CDKAL1: variants seen among roughly 807,000 people sequenced by gnomAD.
CDKAL1 encodes the protein CDKAL1 threonylcarbamoyladenosine tRNA methylthiotransferase, also known as threonylcarbamoyladenosine tRNA methylthiotransferase.
CDKAL1 carries 32 observed loss-of-function variants against 68.2 expected under a neutral mutation model. The observed-to-expected ratio is 0.47, with a 90% CI of 0.35 to 0.63. The LOEUF (loss-of-function observed/expected upper bound fraction) is 0.63. Ranked by LOEUF, CDKAL1 falls within the 30% of genes least tolerant of loss-of-function variation. CDKAL1 has a pLI of 0.00. For missense variants in CDKAL1, 606 were observed against 696.7 expected, an observed-to-expected ratio of 0.87 and a Z score of 1.47; for synonymous variants, 234 against 244.3, an observed-to-expected ratio of 0.96 and a Z score of 0.39.
chr6:20,998,568 G>A (rs747866103), intron 10 of CDKAL1, among the ~76,000 whole-genome samples: 10 of 151,094 alleles, frequency 6.6e-5, no homozygotes, highest in East Asian at 1.9e-4. Flanking sequence ...CTGAGATCGC[G>A]CCAGTGCACT....
chr6:20,791,094 TG>T (rs1775880161), intron 8 of CDKAL1, among the ~76,000 whole-genome samples: 1 of 152,148 alleles, frequency 6.6e-6, no homozygotes, highest in Non-Finnish European at 1.5e-5. Flanking sequence ...GGTTTGAAAG[TG>T]GGGTTTCACT....
chr6:21,117,904 A>G (rs1318751675), intron 13 of CDKAL1, among the ~76,000 whole-genome samples: 1 of 152,176 alleles, frequency 6.6e-6, no homozygotes, highest in African/African-American at 2.4e-5. Context: ...AAAGGCTAAC[A>G]CGTGTGTCAG....
At chr6:21,180,210 G>T (rs1236893817) in intron 13 of CDKAL1, among the ~76,000 whole-genome samples, 2 of 152,152 alleles carry the variant, frequency 1.3e-5, no homozygotes, top group Non-Finnish European at 2.9e-5. Flanking sequence ...GTATGGTAAT[G>T]CTTGTGTTCA....
chr6:21,020,228 A>G (rs1287265834), intron 11 of CDKAL1, among the ~76,000 whole-genome samples: 2 of 151,922 alleles, frequency 1.3e-5, no homozygotes, highest in Non-Finnish European at 2.9e-5. Context: ...TGGAGAAGTT[A>G]TTTTTTTCTC....
chr6:21,209,373 G>A (rs895931205), intron 15 of CDKAL1, among the ~76,000 whole-genome samples: 1 of 152,202 alleles, frequency 6.6e-6, no homozygotes, highest in Admixed American at 6.5e-5. Context: ...CCAGGCCCCC[G>A]AGCCTGAATT....
chr6:21,160,127 A>G (rs1314047824), intron 13 of CDKAL1, among the ~76,000 whole-genome samples: 1 of 152,156 alleles, frequency 6.6e-6, no homozygotes, highest in Non-Finnish European at 1.5e-5. Context: ...AAATAAGCAT[A>G]TTCGTGGTCC....
At chr6:20,629,624 C>T (rs191099617) in intron 4 of CDKAL1, among the ~76,000 whole-genome samples, 55 of 152,226 alleles carry the variant, frequency 3.6e-4, no homozygotes, top group South Asian at 1.0e-3. Context: ...GGGAGTGATA[C>T]CTGCCTCACT....
At chr6:20,861,566 A>G (rs192286765) in intron 9 of CDKAL1, among the ~76,000 whole-genome samples, 2 of 152,354 alleles carry the variant, frequency 1.3e-5, no homozygotes, top group East Asian at 3.9e-4. Context: ...CTCTATAAAA[A>G]GTGGATAAAC....
chr6:20,638,135 G>A lies in CDKAL1; in HGVS notation c.287-11158G>A, dbSNP rs533577732. On this transcript the variant is annotated intron_variant, in intron 4 of 15. Transcript: ENST00000274695. Reference sequence around the variant, plus strand: ...CTGTCATATTACCTCCTTAAGTGGCGATCTGGTATCTATGCCCACCAGCAA... The same window carrying A: ...CTGTCATATTACCTCCTTAAGTGGCAATCTGGTATCTATGCCCACCAGCAA... Among the ~76,000 whole-genome samples the A allele has an allele frequency of 9.9e-5, 15 of 152,238 alleles. No homozygotes were observed. In the South Asian group the frequency reaches 2.1e-3, roughly 21 times the overall value.
At chr6:20,568,762 A>G (rs941944376) in intron 4 of CDKAL1, among the ~76,000 whole-genome samples, 11 of 151,644 alleles carry the variant, frequency 7.3e-5, no homozygotes, top group Non-Finnish European at 1.6e-4. Context: ...AAAAAAACAA[A>G]AAAACAAAGA....
chr6:21,105,508 G>T (rs73381522), intron 12 of CDKAL1, among the ~76,000 whole-genome samples: 1,617 of 152,278 alleles, frequency 0.011, 25 homozygotes, highest in African/African-American at 0.036. Flanking sequence ...ACAAGGAAAC[G>T]ATGAGTGTGT....
intron 9 of CDKAL1, among the ~76,000 whole-genome samples, chr6:20,928,645 G>A (rs1405923377): frequency 1.4e-5 from 2 of 147,700 alleles, no homozygotes; most frequent in African/African-American, 2.5e-5. Context: ...AATTAAAATC[G>A]TTTATTCTAC....
intron 4 of CDKAL1, among the ~76,000 whole-genome samples, chr6:20,586,990 T>TG (rs1765390429): frequency 7.8e-6 from 1 of 128,532 alleles, no homozygotes; most frequent in Non-Finnish European, 1.7e-5. Flanking sequence ...TTTTTTTTTT[T>TG]TTTTTTTTTT....
chr6:21,158,293 C>G (rs1039388368), intron 13 of CDKAL1, among the ~76,000 whole-genome samples: 1 of 152,206 alleles, frequency 6.6e-6, no homozygotes, highest in African/African-American at 2.4e-5. Context: ...CTGAGTTCAG[C>G]ATCTGGAGAA....
At chr6:21,105,607 G>A (rs761763723) in intron 12 of CDKAL1, among the ~76,000 whole-genome samples, 7 of 152,220 alleles carry the variant, frequency 4.6e-5, no homozygotes, top group Non-Finnish European at 8.8e-5. Flanking sequence ...AGCTAGGCGG[G>A]GGTATGCGGC....
intron 13 of CDKAL1, among the ~76,000 whole-genome samples, chr6:21,153,591 A>G (rs1776515114): frequency 6.6e-6 from 1 of 152,186 alleles, no homozygotes; most frequent in East Asian, 1.9e-4. Flanking sequence ...ATCTTGATAA[A>G]CAGTTCAATG....
intron 5 of CDKAL1, among the ~76,000 whole-genome samples, chr6:20,699,935 A>G (rs905004066): frequency 2.0e-5 from 3 of 152,150 alleles, no homozygotes; most frequent in East Asian, 1.9e-4. Context: ...TTTTAAGATG[A>G]TGGTGTTTTG....
chr6:20,666,855 C>T (rs1462603327), intron 5 of CDKAL1, among the ~76,000 whole-genome samples: 1 of 152,052 alleles, frequency 6.6e-6, no homozygotes, highest in Non-Finnish European at 1.5e-5. Context: ...ATATTTAGCT[C>T]TTCTAGTATC....
chr6:20,814,295 C>T (rs1037131033), intron 8 of CDKAL1, among the ~76,000 whole-genome samples: 1 of 152,060 alleles, frequency 6.6e-6, no homozygotes, highest in Non-Finnish European at 1.5e-5. Context: ...TAAACTTACT[C>T]ATTATGTGCA....
Sources: allele counts gnomAD v4.1 joint callset (sites outside exome capture counted in the v4.1 genomes callset), GRCh38; gene constraint gnomAD v4.1.1; transcripts MANE v1.5; gene names NCBI Gene and HGNC (gene_info 2026-07-23, HGNC 2026-07-21).